Variants in DIXDC1 observed in about 807,000 individuals in gnomAD.
The protein encoded by DIXDC1 is DIX domain containing 1, also known as dixin.
Under a neutral mutation model 103.1 loss-of-function variants are expected in DIXDC1, and 64 were observed. The ratio of observed to expected loss-of-function variants is 0.62; its 90% CI spans 0.51 to 0.76. The LOEUF is 0.76. DIXDC1 is among the 30% of genes least tolerant of loss of function. The probability of loss-of-function intolerance (pLI) is 0.00; values close to 1 mark genes in which losing one functional copy is unlikely to be tolerated. For missense variants in DIXDC1, 759 were observed against 834.2 expected (o/e 0.91, Z 1.11); for synonymous variants, 266 against 298.5 (o/e 0.89, Z 1.12).
intron 10 of DIXDC1, among the ~76,000 whole-genome samples, chr11:111,990,152 G>A (rs1860655434): frequency 1.4e-5 from 2 of 144,100 alleles, no homozygotes; most frequent in Non-Finnish European, 3.0e-5. Context: ...GTGCAGTGGC[G>A]TGATCTTGGC....
chr11:111,927,721 G>A (rs900397752), intron 1 of DIXDC1, among the ~76,000 whole-genome samples: 5 of 151,966 alleles, frequency 3.3e-5, no homozygotes, highest in African/African-American at 4.8e-5. Context: ...ACAAAAGTTG[G>A]CAATAATAGT....
intron 6 of DIXDC1, among the ~76,000 whole-genome samples, chr11:111,981,979 C>T (rs782264304): frequency 6.6e-6 from 1 of 152,154 alleles, no homozygotes; most frequent in Admixed American, 6.5e-5. Context: ...ATTTTGTTTT[C>T]ATTGCATCTG....
At chr11:111,966,549 G>T (rs1163811594) in intron 2 of DIXDC1, among the ~76,000 whole-genome samples, 3 of 151,668 alleles carry the variant, frequency 2.0e-5, no homozygotes, top group African/African-American at 4.8e-5. Flanking sequence ...GACTACAGGC[G>T]CCCGCCACCG....
intron 7 of DIXDC1, among the ~76,000 whole-genome samples, chr11:111,984,300 C>T (rs191314546): frequency 6.6e-6 from 1 of 152,278 alleles, no homozygotes; most frequent in Admixed American, 6.5e-5. Context: ...AACCCCAGCA[C>T]TTTGGGAGGC....
chr11:111,937,598 C>G, intron 1 of DIXDC1, 39 bp downstream of exon 1: 1 of 1,550,374 alleles, frequency 6.5e-7, no homozygotes, highest in Non-Finnish European at 8.7e-7. Flanking sequence ...GCTCCCCTCC[C>G]CCAGCGTCTC....
intron 14 of DIXDC1, among the ~76,000 whole-genome samples, chr11:111,994,527 GTA>G (rs1209385054): frequency 7.4e-5 from 11 of 148,980 alleles, no homozygotes; most frequent in Non-Finnish European, 1.5e-4. Context: ...ACATATATAT[GTA>G]TATGTGTGTA....
intron 4 of DIXDC1, 121 bp from the exon 5 acceptor site, chr11:111,974,755 A>C: frequency 6.8e-7 from 1 of 1,478,954 alleles, no homozygotes; most frequent in Non-Finnish European, 9.0e-7. Flanking sequence ...TCTTTGAGGC[A>C]GGGGTTTTGT....
chr11:111,993,136 G>A (rs988783350), intron 12 of DIXDC1, 132 bp downstream of exon 12: 1 of 1,051,552 alleles, frequency 9.5e-7, no homozygotes, highest in African/African-American at 1.6e-5. Context: ...CTTTTTAGAA[G>A]GAAGCATTTT....
At chr11:111,963,679 G>C (rs1467295255) in intron 1 of DIXDC1, among the ~76,000 whole-genome samples, 3 of 152,278 alleles carry the variant, frequency 2.0e-5, no homozygotes, top group Non-Finnish European at 2.9e-5. Flanking sequence ...CCCATCTTTT[G>C]ACCAAATAAT....
intron 1 of DIXDC1, among the ~76,000 whole-genome samples, chr11:111,949,731 C>T (rs1312778408): frequency 6.6e-6 from 1 of 152,142 alleles, no homozygotes. Flanking sequence ...ACACGCTACC[C>T]CCTCAACTGG....
chr11:111,944,206 A>T (rs1383653027), intron 1 of DIXDC1, among the ~76,000 whole-genome samples: 1 of 152,110 alleles, frequency 6.6e-6, no homozygotes, highest in Non-Finnish European at 1.5e-5. Flanking sequence ...TTCACTGTAA[A>T]ACTAATTTCC....
chr11:112,015,500 C>T (rs1476082986), intron 17 of DIXDC1: 4 of 152,094 alleles, frequency 2.6e-5, no homozygotes, highest in Non-Finnish European at 5.9e-5. Flanking sequence ...CCAAAAGTAC[C>T]TTTTTAAAAG....
rs587595395 is a variant in DIXDC1 at position 111,941,207 on chromosome 11, G to C, written c.60+3648G>C. On this transcript the variant is annotated intron_variant, in intron 1 of 19. Transcript: ENST00000440460. ...GAGGCAGGAGAATCGCTTGAACCTGGGAGGTTGAGATTGCAGTGAGCTAAG... is the reference window on the plus strand; with the variant it reads ...GAGGCAGGAGAATCGCTTGAACCTGCGAGGTTGAGATTGCAGTGAGCTAAG... Among the ~76,000 whole-genome samples the C allele has an allele frequency of 1.5e-4, 23 of 152,314 alleles. No homozygotes were observed. The South Asian group carries it at 4.8e-3, about 32-fold the overall frequency.
intron 8 of DIXDC1, among the ~76,000 whole-genome samples, chr11:111,986,613 C>T (rs1555173875): frequency 6.6e-6 from 1 of 152,036 alleles, no homozygotes; most frequent in African/African-American, 2.4e-5. Context: ...ATCTGCCTGC[C>T]TCGGCCTCCC....
At chr11:111,953,955 C>CT (rs371524141) in intron 1 of DIXDC1, among the ~76,000 whole-genome samples, 6,138 of 146,442 alleles carry the variant, frequency 0.042, 368 homozygotes, top group African/African-American at 0.13. Context: ...TAGCTACAGA[C>CT]TTTTTTTTTT....
intron 19 of DIXDC1, among the ~76,000 whole-genome samples, chr11:112,018,613 A>G (rs1434644002): frequency 2.0e-5 from 3 of 152,296 alleles, no homozygotes; most frequent in African/African-American, 4.8e-5. Flanking sequence ...CCCTTTCTTT[A>G]CATTGCCTGG....
chr11:111,937,131 CGGG>C, upstream of DIXDC1: 1 of 459,436 alleles, frequency 2.2e-6, no homozygotes, highest in Non-Finnish European at 2.5e-6. Context: ...GCGGCCCGGG[CGGG>C]GGGGGGGTGT....
intron 7 of DIXDC1, among the ~76,000 whole-genome samples, chr11:111,984,181 C>G (rs1555173588): frequency 6.6e-6 from 1 of 152,078 alleles, no homozygotes; most frequent in African/African-American, 2.4e-5. Context: ...TTTTGTGAGT[C>G]CTCACATATA....
chr11:111,977,168 CG>C lies in DIXDC1; in HGVS notation c.656+2186del. ...GACGTCCCCACCCCCACCTCCACCC[CG>C]CCCAGCCCCGCCCCTGGCCCGCACC... On this transcript the variant is annotated intron_variant, in intron 5 of 19. Transcript: ENST00000440460. The surrounding 1 kb of genome is among the most constrained non-coding windows in gnomAD (Gnocchi z 6.1). 9.2e-6 allele frequency: 7 copies of C among 761,666 alleles called. No homozygotes were observed. Among genetic ancestry groups the C allele is most frequent in the Non-Finnish European group, 1.1e-5 (7 of 625,062 alleles). The allele number at this position is 761,666 out of a possible 1,614,324, so 47.2% of individuals were successfully genotyped here.
Sources: gnomAD v4.1 joint callset for allele counts (sites outside exome capture counted in the v4.1 genomes callset) on GRCh38, gnomAD v4.1.1 for gene constraint, Gnocchi (gnomAD v3.1) non-coding constraint, MANE v1.5 for transcripts, NCBI Gene and HGNC (gene_info 2026-07-23, HGNC 2026-07-21) for gene names.